The following GRAMD1B variants were observed in gnomAD, a reference collection of about 807,000 sequenced individuals.
GRAMD1B encodes GRAM domain containing 1B, also known as protein Aster-B.
Under a neutral mutation model 99.7 loss-of-function variants are expected in GRAMD1B, and 37 were observed. That is an observed-to-expected ratio of 0.37 (90% CI 0.29 to 0.49). The LOEUF (loss-of-function observed/expected upper bound fraction) is 0.49. Ranked by LOEUF, GRAMD1B falls within the 20% of genes least tolerant of loss-of-function variation. GRAMD1B has a pLI of 0.98. For missense variants in GRAMD1B, 888 were observed against 1,009.2 expected, an observed-to-expected ratio of 0.88 and a Z score of 1.63; for synonymous variants, 427 against 387.6, an observed-to-expected ratio of 1.10 and a Z score of -1.19.
chr11:123,483,440 G>A (rs1211987255), intron 2 of GRAMD1B, among the ~76,000 whole-genome samples: 2 of 145,620 alleles, frequency 1.4e-5, no homozygotes, highest in Non-Finnish European at 3.0e-5. Flanking sequence ...AGGCTGAAGT[G>A]CAGTGGCGTG....
chr11:123,407,177 G>C (rs1370741899), intron 1 of GRAMD1B, among the ~76,000 whole-genome samples: 2 of 152,162 alleles, frequency 1.3e-5, no homozygotes, highest in Non-Finnish European at 2.9e-5. Context: ...GCTTCTACAG[G>C]TCTATAACAC....
At chr11:123,566,314 A>T (rs1947362544) in intron 2 of GRAMD1B, among the ~76,000 whole-genome samples, 1 of 152,210 alleles carries the variant, frequency 6.6e-6, no homozygotes, top group South Asian at 2.1e-4. Flanking sequence ...TAAGGCTAGC[A>T]GAGAGTCTGG....
chr11:123,578,197 G>A (rs572297193), intron 3 of GRAMD1B, among the ~76,000 whole-genome samples: 14 of 152,176 alleles, frequency 9.2e-5, no homozygotes, highest in African/African-American at 3.1e-4. Flanking sequence ...CCCCACCCTC[G>A]GTCCTTTGGG....
At chr11:123,476,106 T>C (rs1951254360) in intron 1 of GRAMD1B, among the ~76,000 whole-genome samples, 1 of 127,800 alleles carries the variant, frequency 7.8e-6, no homozygotes, top group African/African-American at 4.0e-5. Flanking sequence ...TCCATTTAAC[T>C]TCTTTTTTTT....
At chr11:123,420,101 T>C (rs1216607456) in intron 1 of GRAMD1B, among the ~76,000 whole-genome samples, 1 of 152,212 alleles carries the variant, frequency 6.6e-6, no homozygotes, top group Non-Finnish European at 1.5e-5. Flanking sequence ...CTTAAGACCA[T>C]GGAAAGGCTA....
chr11:123,589,922 G>C (rs1168213618), intron 4 of GRAMD1B, among the ~76,000 whole-genome samples: 1 of 152,162 alleles, frequency 6.6e-6, no homozygotes, highest in South Asian at 2.1e-4. Flanking sequence ...TGGGGAGAGT[G>C]AGGGAGCAGC....
rs375068381 is a variant in GRAMD1B, at chr11:123,585,623, G to A, written c.684+1291G>A. 8.5e-5 allele frequency among the ~76,000 whole-genome samples: 13 copies of A among 152,274 alleles called. No individual in the cohort carries two copies. In the South Asian group the frequency reaches 1.9e-3, roughly 22 times the overall value. On this transcript the variant is annotated intron_variant, in intron 4 of 19. Coordinates refer to ENST00000635736, the MANE Select transcript of GRAMD1B (RefSeq NM_001387025.1). ...TCTAGGAGGTTTCCTGGCCTGTGGC[G>A]TCAGAAGAGGGGAGGGGGATGAGTG...
At chr11:123,508,423 G>A (rs754251757) in intron 2 of GRAMD1B, among the ~76,000 whole-genome samples, 7 of 152,142 alleles carry the variant, frequency 4.6e-5, no homozygotes, top group Non-Finnish European at 1.0e-4. Context: ...ATACTATACT[G>A]TTACAGTGAC....
intron 1 of GRAMD1B, among the ~76,000 whole-genome samples, chr11:123,438,418 G>A (rs767401613): frequency 2.0e-5 from 3 of 152,108 alleles, no homozygotes; most frequent in Non-Finnish European, 4.4e-5. Flanking sequence ...AAGCAAGGTA[G>A]GAATGTGGAC....
chr11:123,478,209 A>G lies in GRAMD1B; in HGVS notation c.375-2607A>G, dbSNP rs562493267. Among the ~76,000 whole-genome samples, 21 of 151,654 alleles carry G rather than the reference A, an allele frequency of 1.4e-4. No individual in the cohort carries two copies. In the South Asian group the frequency reaches 4.4e-3, roughly 32 times the overall value. ...TTTTTTTTTATAGAGATGGGGTCTC[A>G]CCAGGTTGCCCAGGCTGATCAGGAA... On this transcript the variant is annotated intron_variant, in intron 1 of 19. Transcript: ENST00000635736.
chr11:123,402,774 G>T (rs962799735), intron 1 of GRAMD1B, among the ~76,000 whole-genome samples: 3 of 152,116 alleles, frequency 2.0e-5, no homozygotes, highest in African/African-American at 4.8e-5. Flanking sequence ...GGAAGTAAAG[G>T]TGGTTTTAAT....
At chr11:123,495,610 G>A (rs1939152755) in intron 2 of GRAMD1B, among the ~76,000 whole-genome samples, 1 of 150,464 alleles carries the variant, frequency 6.6e-6, no homozygotes, top group Non-Finnish European at 1.5e-5. Context: ...CTTTCTCCAT[G>A]AGTTCAATTG....
intron 1 of GRAMD1B, among the ~76,000 whole-genome samples, chr11:123,406,365 C>T (rs11219132): frequency 0.061 from 9,273 of 152,028 alleles, 728 homozygotes; most frequent in African/African-American, 0.18. Flanking sequence ...GTGATTCTCC[C>T]GCCTCAGCCT....
chr11:123,488,809 C>T (rs1173784677), intron 2 of GRAMD1B, among the ~76,000 whole-genome samples: 1 of 152,180 alleles, frequency 6.6e-6, no homozygotes, highest in Admixed American at 6.5e-5. Flanking sequence ...AAGAGCGATG[C>T]TCAAGGGAGA....
chr11:123,613,404 G>A, intron 15 of GRAMD1B, 51 bp from the exon 16 acceptor site: 4 of 1,293,870 alleles, frequency 3.1e-6, no homozygotes, highest in South Asian at 2.6e-5. Flanking sequence ...GCAGAGAGTT[G>A]CATTGGAGGG....
intron 4 of GRAMD1B, among the ~76,000 whole-genome samples, chr11:123,588,116 T>A: frequency 6.6e-6 from 1 of 151,752 alleles, no homozygotes; most frequent in South Asian, 2.1e-4. Context: ...CTTCTGCCTA[T>A]CCAGATTTGG....
In GRAMD1B at chr11:123,625,973, A is replaced by AGAGAGAGAGAGAGAGAGAGAGAGAGC. The variant is rs34697633; in HGVS notation, c.*3386_*3387insGAGAGAGAGAGAGAGAGCGAGAGAGA. 1 of 139,748 alleles carries AGAGAGAGAGAGAGAGAGAGAGAGAGC rather than the reference A, an allele frequency of 7.2e-6. No individual in the cohort carries two copies. Among genetic ancestry groups the AGAGAGAGAGAGAGAGAGAGAGAGAGC allele is most frequent in the African/African-American group, 2.6e-5 (1 of 38,420 alleles). The allele number at this position is 139,748 out of a possible 1,614,324, so 8.7% of individuals were successfully genotyped here. ...GAGAGAGAGAGAGAGAGAGAGAGAG[A>AGAGAGAGAGAGAGAGAGAGAGAGAGC]GAGAGAGATCGAGCTTGATGTATTG... is the stretch of plus-strand genomic sequence containing the variant. On this transcript the variant is annotated 3_prime_UTR_variant, in exon 20 of 20. Coordinates refer to ENST00000635736, the MANE Select transcript of GRAMD1B (RefSeq NM_001387025.1).
At chr11:123,552,572 C>T (rs73027964) in intron 2 of GRAMD1B, among the ~76,000 whole-genome samples, 17,756 of 152,088 alleles carry the variant, frequency 0.12, 1,148 homozygotes, top group East Asian at 0.28. Flanking sequence ...TCAAAGGCAG[C>T]AATTTTCAAA....
At chr11:123,404,440 A>C (rs923806590) in intron 1 of GRAMD1B, among the ~76,000 whole-genome samples, 3 of 152,250 alleles carry the variant, frequency 2.0e-5, no homozygotes, top group African/African-American at 7.2e-5. Flanking sequence ...GACTGTTTTC[A>C]ATAGAATAAA....
Sources: gnomAD v4.1 joint callset for allele counts (sites outside exome capture counted in the v4.1 genomes callset) on GRCh38, gnomAD v4.1.1 for gene constraint, MANE v1.5 for transcripts, NCBI Gene and HGNC (gene_info 2026-07-23, HGNC 2026-07-21) for gene names.